The following ADH6 variants were observed in gnomAD, a reference collection of about 807,000 sequenced individuals.
The protein encoded by ADH6 is alcohol dehydrogenase 6.
A neutral mutation model predicts 36.5 loss-of-function variants in ADH6; 34 were observed. The observed-to-expected ratio is 0.93, with a 90% confidence interval of 0.71 to 1.24. ADH6 has a LOEUF of 1.24. Ranked by LOEUF, ADH6 falls within the 50% of genes most tolerant of loss-of-function variation. The pLI, the probability that ADH6 is intolerant of heterozygous loss-of-function variation, is 0.00. For missense variants in ADH6, 440 were observed against 447.0 expected (o/e 0.98, Z 0.14); for synonymous variants, 161 against 155.5 (o/e 1.04, Z -0.26).
chr4:99,219,056 G>A, intron 1 of ADH6, 79 bp downstream of exon 1: 1 of 1,388,988 alleles, frequency 7.2e-7, no homozygotes, highest in South Asian at 1.2e-5. Flanking sequence ...GACTAGCTGG[G>A]TGATGAGATG....
At chr4:99,216,081 G>T in intron 2 of ADH6, 80 bp downstream of exon 2, 1 of 663,852 alleles carries the variant, frequency 1.5e-6, no homozygotes, top group Non-Finnish European at 2.4e-6. Flanking sequence ...TTGAATATCC[G>T]GATAAGAATA....
intron 7 of ADH6, 67 bp downstream of exon 7, chr4:99,207,379 G>T (rs28720156): frequency 0.026 from 41,831 of 1,591,924 alleles, 669 homozygotes; most frequent in Non-Finnish European, 0.031. Context: ...AAGCGTTTAT[G>T]GTACATTTTT....
intron 5 of ADH6, 78 bp downstream of exon 5, chr4:99,210,004 G>A: frequency 2.1e-6 from 3 of 1,431,004 alleles, no homozygotes; most frequent in Non-Finnish European, 2.9e-6. Flanking sequence ...GGTATGATAA[G>A]AGATGACAAA....
At chr4:99,217,263 C>T (rs1731474840) in intron 1 of ADH6, among the ~76,000 whole-genome samples, 1 of 152,102 alleles carries the variant, frequency 6.6e-6, no homozygotes, top group Non-Finnish European at 1.5e-5. Flanking sequence ...TTCTTGATCT[C>T]CTGACCTCGT....
At chr4:99,214,410 A>T (rs1047546216) in intron 2 of ADH6, among the ~76,000 whole-genome samples, 5 of 152,170 alleles carry the variant, frequency 3.3e-5, no homozygotes, top group Admixed American at 1.3e-4. Flanking sequence ...GAAATGAAAT[A>T]AAGAAATTGG....
intron 3 of ADH6, among the ~76,000 whole-genome samples, chr4:99,212,181 T>C (rs1170626482): frequency 6.6e-6 from 1 of 152,168 alleles, no homozygotes; most frequent in Non-Finnish European, 1.5e-5. Flanking sequence ...CAAGAATATA[T>C]AAATTTAAAT....
chr4:99,215,988 T>C (rs1731399579), intron 2 of ADH6, 173 bp downstream of exon 2: 1 of 420,694 alleles, frequency 2.4e-6, no homozygotes, highest in East Asian at 3.9e-5. Flanking sequence ...TAACCTTTTA[T>C]CTGGCTGGAT....
At chr4:99,216,134 G>A (rs1365191270) in intron 2 of ADH6, 27 bp downstream of exon 2, 2 of 848,560 alleles carry the variant, frequency 2.4e-6, no homozygotes, top group Admixed American at 3.4e-5. Flanking sequence ...CTTTTGGTGT[G>A]ATTTTTTTTT....
At chr4:99,218,151 C>G (rs1560810808) in intron 1 of ADH6, among the ~76,000 whole-genome samples, 1 of 152,138 alleles carries the variant, frequency 6.6e-6, no homozygotes, top group Non-Finnish European at 1.5e-5. Flanking sequence ...ATCTCAAACT[C>G]AACATGTTAA....
intron 8 of ADH6, chr4:99,204,536 A>G (rs1481615966): frequency 8.1e-7 from 1 of 1,239,354 alleles, no homozygotes; most frequent in East Asian, 3.7e-5. Context: ...CCTATGAATA[A>G]TTCCTCTTCT....
rs909595684 is a variant in ADH6 at position 99,204,842 on chromosome 4, C to A, written c.1103+83G>T. On this transcript the variant is annotated intron_variant, in intron 8 of 8. Coordinates refer to ENST00000394899, the MANE Select transcript of ADH6 (RefSeq NM_001102470.2). ...CAGTATACAGCTTCTGCAGCAGGGA[C>A]GACCCTTCTTCTACTCCCAAGCCAA... is the stretch of plus-strand genomic sequence containing the variant. 4.7e-6 allele frequency: 7 copies of A among 1,490,980 alleles called. No homozygotes were observed. In the Admixed American group the frequency reaches 1.6e-4, roughly 35 times the overall value. The allele number at this position is 1,490,980 out of a possible 1,614,324, so 92.4% of individuals were successfully genotyped here.
chr4:99,217,413 C>G (rs1176460132), intron 1 of ADH6, among the ~76,000 whole-genome samples: 2 of 152,198 alleles, frequency 1.3e-5, no homozygotes, highest in Non-Finnish European at 2.9e-5. Context: ...TTTTCCCACT[C>G]TCTACCTCCA....
Position 99,219,173 on chromosome 4 carries a change from A to G in ADH6, c.-21T>C, listed in dbSNP as rs371095913. 5.6e-6 allele frequency: 9 copies of G among 1,608,928 alleles called. No homozygotes were observed. The highest frequency in any genetic ancestry group is 1.3e-5 in the African/African-American group (1 of 74,806). On this transcript the variant is annotated 5_prime_UTR_variant, in exon 1 of 9. Transcript: ENST00000394899. ...CTCATGCTGATTTTCTCCACCGCAG[A>G]TGAATTTATTGAGAAAGGGAGATCC...
intron 6 of ADH6, among the ~76,000 whole-genome samples, chr4:99,208,024 T>C (rs748798482): frequency 2.0e-5 from 3 of 151,820 alleles, no homozygotes; most frequent in Non-Finnish European, 4.4e-5. Context: ...AGAGTAAGAG[T>C]GTGAGAAAGG....
chr4:99,213,646 G>A lies in ADH6; in HGVS notation c.222C>T (p.Ile74=), dbSNP rs746407460. The A allele has an allele frequency of 5.6e-6, 9 of 1,613,384 alleles. No individual in the cohort carries two copies. The highest frequency in any genetic ancestry group is 5.1e-6 in the Non-Finnish European group (6 of 1,179,784). The part of the protein sequence containing the change: ...PTILGHEGAG[I]VESIGEGVST... ...TTACTCCTTCTCCAATACTCTCAAC[G>A]ATTCCAGCCCCTTCATGGCCCAAGA... Residue 74 remains isoleucine (I), a synonymous_variant, in exon 3 of 9, where the codon ATC becomes ATT. Transcript: ENST00000394899.
At chr4:99,204,351 CT>C in intron 8 of ADH6, 108 bp from the exon 9 acceptor site, 1 of 1,485,352 alleles carries the variant, frequency 6.7e-7, no homozygotes. Flanking sequence ...TTTTTTTTCT[CT>C]TTAGGTGAAA....
rs113757105 is a variant in ADH6 at position 99,216,843 on chromosome 4, C to CAAA, written c.19-584_19-582dup. On this transcript the variant is annotated intron_variant, in intron 1 of 8. Coordinates refer to ENST00000394899, the MANE Select transcript of ADH6 (RefSeq NM_001102470.2). ...CTGTCAACAGAGCGAGACTCCATCT[C>CAAA]AAAAAAAAAAAATTGTGCCTATTTA... Among the ~76,000 whole-genome samples, 185 of 140,312 alleles carry CAAA rather than the reference C, an allele frequency of 1.3e-3. 1 individual carries two copies. Among genetic ancestry groups the CAAA allele is most frequent in the African/African-American group, 4.6e-3 (177 of 38,494 alleles). The allele number at this position is 140,312 out of a possible 152,430, so 92.1% of individuals were successfully genotyped here.
At position 99,207,542 on chromosome 4, in the gene ADH6, A is replaced by C. The variant is rs201414400; in HGVS notation, c.868T>G (p.Cys290Gly). 1.9e-6 allele frequency: 3 copies of C among 1,613,502 alleles called. No individual in the cohort carries two copies. The highest frequency in any genetic ancestry group is 2.7e-5 in the African/African-American group (2 of 75,008). ...LASCNESYGVCVVVGVLPASV... is the reference protein window; with the variant it reads ...LASCNESYGVGVVVGVLPASV... Reference sequence around the variant, plus strand: ...GCAGGCAACACCCCAACAACCACACAGACCCCATAGCTCTCATTGCAGGAG... The same window carrying C: ...GCAGGCAACACCCCAACAACCACACCGACCCCATAGCTCTCATTGCAGGAG... Residue 290 changes from cysteine (C) to glycine (G), a missense_variant, in exon 7 of 9, where the codon TGT (cysteine) becomes GGT (glycine). Physicochemically the swap from Cys to Gly is radical, Grantham distance 159 (BLOSUM62 -3). Transcript: ENST00000394899.
rs1431178658 is a variant in ADH6, at chr4:99,204,998, C to G, written c.1030G>C (p.Asp344His). Reference protein sequence around the residue: ...ADYMAEKLNLDPLITHTLNLD... With the variant: ...ADYMAEKLNLHPLITHTLNLD... ...TTCAGAGTATGAGTAATTAGTGGAT[C>G]TAGATTCAACTTCTCTGCCATATAA... The change falls in exon 8 of 9, where the codon GAT becomes CAT. Residue 344 changes from aspartate to histidine, a missense_variant. Physicochemically the swap from Asp to His is moderately conservative, Grantham distance 81. Coordinates refer to ENST00000394899, the MANE Select transcript of ADH6 (RefSeq NM_001102470.2). The G allele has an allele frequency of 6.2e-7, 1 of 1,609,276 alleles. No individual in the cohort carries two copies. The highest frequency in any genetic ancestry group is 1.1e-5 in the South Asian group (1 of 90,336).
Sources: gnomAD v4.1 joint callset for allele counts (sites outside exome capture counted in the v4.1 genomes callset) on GRCh38, gnomAD v4.1.1 for gene constraint, MANE v1.5 for transcripts, NCBI Gene and HGNC (gene_info 2026-07-23, HGNC 2026-07-21) for gene names.